The following LRBA variants were observed in gnomAD, a reference collection of about 807,000 sequenced individuals.
The protein encoded by LRBA is lipopolysaccharide-responsive and beige-like anchor protein.
LRBA carries 176 observed loss-of-function variants against 330.0 expected under a neutral mutation model. That is an observed-to-expected ratio of 0.53 (90% confidence interval 0.47 to 0.60). The LOEUF (loss-of-function observed/expected upper bound fraction) is 0.60. Among genes scored for constraint, LRBA ranks in the 20% least tolerant of loss-of-function variants. The pLI is 0.00. For missense variants in LRBA, 3,259 were observed against 3,444.8 expected (o/e 0.95, Z 1.35); for synonymous variants, 1,230 against 1,193.0 (o/e 1.03, Z -0.64).
At chr4:150,658,233 G>C (rs1246234734) in intron 37 of LRBA, among the ~76,000 whole-genome samples, 1 of 151,808 alleles carries the variant, frequency 6.6e-6, no homozygotes, top group East Asian at 1.9e-4. Flanking sequence ...GACCTATCTT[G>C]ACCTTATTCT....
intron 47 of LRBA, among the ~76,000 whole-genome samples, chr4:150,381,706 A>G (rs1227412977): frequency 7.8e-6 from 1 of 128,186 alleles, no homozygotes; most frequent in Non-Finnish European, 1.9e-5. Flanking sequence ...TATCTTGGAT[A>G]TACATATAAC....
chr4:150,421,772 G>C lies in LRBA; in HGVS notation c.7042-6182C>G, dbSNP rs564772148. Among the ~76,000 whole-genome samples, 15 of 152,176 alleles carry C rather than the reference G, an allele frequency of 9.9e-5. No homozygotes were observed. The South Asian group carries it at 1.2e-3, about 13-fold the overall frequency. On this transcript the variant is annotated intron_variant, in intron 46 of 56. Transcript: ENST00000651943. Reference sequence around the variant, plus strand: ...GCACCCCAGGAAGGTGCAGCTCTCTGCTCCACCCCAGCGTCTTGGTGTCTG... The same window carrying C: ...GCACCCCAGGAAGGTGCAGCTCTCTCCTCCACCCCAGCGTCTTGGTGTCTG...
intron 34 of LRBA, among the ~76,000 whole-genome samples, chr4:150,787,995 T>C (rs1245340900): frequency 6.6e-6 from 1 of 152,248 alleles, no homozygotes; most frequent in Non-Finnish European, 1.5e-5. Flanking sequence ...GCTGTATTTT[T>C]AGTTTTTTGA....
chr4:150,925,467 C>G (rs1479790654), intron 4 of LRBA, among the ~76,000 whole-genome samples: 1 of 152,190 alleles, frequency 6.6e-6, no homozygotes, highest in Non-Finnish European at 1.5e-5. Context: ...GTAAAATTAA[C>G]ATGACTAAGT....
At chr4:150,764,112 A>T (rs1735447253) in intron 34 of LRBA, among the ~76,000 whole-genome samples, 2 of 152,034 alleles carry the variant, frequency 1.3e-5, no homozygotes, top group Admixed American at 1.3e-4. Flanking sequence ...TTCAAAATAG[A>T]AACTTAGTTA....
Position 150,989,990 on chromosome 4 carries a change from T to G in LRBA, c.216+24437A>C, listed in dbSNP as rs182229358. On this transcript the variant is annotated intron_variant, in intron 2 of 56. Transcript: ENST00000651943. ...AAAAAATTTTTAATTAGAATTTAAT[T>G]TTTTTTAATTAGAGAAATACAATTT... 4.0e-4 allele frequency among the ~76,000 whole-genome samples: 61 copies of G among 152,174 alleles called. 1 individual carries two copies. In the East Asian group the frequency reaches 0.011, roughly 27 times the overall value.
intron 40 of LRBA, among the ~76,000 whole-genome samples, chr4:150,548,092 A>G (rs978821585): frequency 1.3e-5 from 2 of 152,192 alleles, no homozygotes; most frequent in African/African-American, 4.8e-5. Context: ...TGTACGTTAT[A>G]TTTGTGCAGC....
intron 34 of LRBA, among the ~76,000 whole-genome samples, chr4:150,772,874 C>G (rs1488270329): frequency 2.0e-5 from 3 of 152,112 alleles, no homozygotes; most frequent in Admixed American, 6.5e-5. Context: ...GAAAATGGGA[C>G]AGAGTAACAT....
chr4:150,302,756 A>G lies in LRBA; in HGVS notation c.7886T>C (p.Val2629Ala). 6.2e-7 allele frequency: 1 copy of G among 1,609,670 alleles called. No individual in the cohort carries two copies. Among genetic ancestry groups the G allele is most frequent in the Non-Finnish European group, 8.5e-7 (1 of 1,177,610 alleles). The change falls in exon 53 of 57, where the codon GTC (valine) becomes GCC (alanine). Residue 2629 changes from valine (V) to alanine (A), a missense_variant. Val to Ala is a moderately conservative substitution (Grantham distance 64, BLOSUM62 0). Transcript: ENST00000651943. Reference protein sequence around the residue: ...LIQVVFGHWDVVTCLARSESY... With the variant: ...LIQVVFGHWDAVTCLARSESY... ...CTCAGAACGAGCAAGGCAAGTGACG[A>G]CATCCCAATGGCCAAACACCACTTG...
In LRBA at chr4:150,912,610, C is replaced by T. The variant is rs114619549; in HGVS notation, c.1161+1585G>A. 5.4e-3 allele frequency among the ~76,000 whole-genome samples: 815 copies of T among 152,234 alleles called. 5 individuals are homozygous for T. Among genetic ancestry groups the T allele is most frequent in the Non-Finnish European group, 7.2e-3 (487 of 68,008 alleles). On this transcript the variant is annotated intron_variant, in intron 9 of 56. Coordinates refer to ENST00000651943, the MANE Select transcript of LRBA (RefSeq NM_001364905.1). The stretch of plus-strand genomic sequence containing the variant: ...AATCATCCCGAAACCATCCCTGCTG[C>T]GCCCCCACCACCCGTGGTCCATGGA...
At chr4:150,300,881 T>C (rs1274628953) in intron 53 of LRBA, among the ~76,000 whole-genome samples, 1 of 152,082 alleles carries the variant, frequency 6.6e-6, no homozygotes, top group Non-Finnish European at 1.5e-5. Context: ...CTTTTTAGAA[T>C]ACACATTGGT....
At chr4:150,377,764 T>G (rs1036709451) in intron 47 of LRBA, among the ~76,000 whole-genome samples, 1 of 152,134 alleles carries the variant, frequency 6.6e-6, no homozygotes, top group Non-Finnish European at 1.5e-5. Flanking sequence ...TATACCAATT[T>G]ATTTATTTAT....
chr4:150,967,178 T>G (rs986755481), intron 2 of LRBA, among the ~76,000 whole-genome samples: 4 of 152,248 alleles, frequency 2.6e-5, no homozygotes, highest in Non-Finnish European at 5.9e-5. Flanking sequence ...AGAACTCTAA[T>G]GATAGCACAT....
intron 42 of LRBA, among the ~76,000 whole-genome samples, chr4:150,479,255 G>A (rs1160934084): frequency 2.0e-5 from 3 of 152,002 alleles, no homozygotes; most frequent in East Asian, 1.9e-4. Flanking sequence ...CTCCAGCCTG[G>A]GTGACATAGC....
rs116910533 is a variant in LRBA, at chr4:150,413,904, G to A, written c.7194+1534C>T. On this transcript the variant is annotated intron_variant, in intron 47 of 56. Coordinates refer to ENST00000651943, the MANE Select transcript of LRBA (RefSeq NM_001364905.1). ...CCACACACGACCATAGACACCTGCCGCATTTAAAGGTTTGACATTTCCTTC... is the reference window on the plus strand; with the variant it reads ...CCACACACGACCATAGACACCTGCCACATTTAAAGGTTTGACATTTCCTTC... Among the ~76,000 whole-genome samples, 116 of 152,164 alleles carry A rather than the reference G, an allele frequency of 7.6e-4. No individual in the cohort carries two copies. In the East Asian group the frequency reaches 0.021, roughly 27 times the overall value.
intron 46 of LRBA, among the ~76,000 whole-genome samples, chr4:150,416,152 TG>T (rs1363796086): frequency 6.6e-6 from 1 of 152,194 alleles, no homozygotes; most frequent in Non-Finnish European, 1.5e-5. Context: ...GTCTAGAAAA[TG>T]ACTTGCATGA....
intron 40 of LRBA, among the ~76,000 whole-genome samples, chr4:150,561,812 A>C (rs1028281006): frequency 1.3e-5 from 2 of 152,196 alleles, no homozygotes; most frequent in African/African-American, 4.8e-5. Flanking sequence ...AAAGTGTAAT[A>C]AATATAATTT....
chr4:150,622,311 G>A (rs1776372232), intron 37 of LRBA, among the ~76,000 whole-genome samples: 1 of 152,198 alleles, frequency 6.6e-6, no homozygotes, highest in African/African-American at 2.4e-5. Context: ...GGCTGAGGCA[G>A]AAGGATCACT....
At chr4:150,341,097 G>A (rs1337875532) in intron 48 of LRBA, among the ~76,000 whole-genome samples, 1 of 152,140 alleles carries the variant, frequency 6.6e-6, no homozygotes, top group African/African-American at 2.4e-5. Context: ...GGGAGAGTAT[G>A]GTGGCGGCTT....
Sources: gnomAD v4.1 joint callset for allele counts (sites outside exome capture counted in the v4.1 genomes callset) on GRCh38, gnomAD v4.1.1 for gene constraint, MANE v1.5 for transcripts, NCBI Gene and HGNC (gene_info 2026-07-23, HGNC 2026-07-21) for gene names.